Variants in LINGO2 observed in about 807,000 individuals in gnomAD.
The protein encoded by LINGO2 is leucine-rich repeat and immunoglobulin-like domain-containing nogo receptor-interacting protein 2.
Under a neutral mutation model 30.6 loss-of-function variants are expected in LINGO2, and 14 were observed. The ratio of observed to expected loss-of-function variants is 0.46; its 90% confidence interval spans 0.30 to 0.72. LINGO2 has a LOEUF of 0.72. LINGO2 is among the 30% of genes least tolerant of loss of function. The probability of loss-of-function intolerance (pLI) is 0.07; values close to 1 mark genes in which losing one functional copy is unlikely to be tolerated. For synonymous variants in LINGO2, 317 were observed against 288.5 expected (o/e 1.10, Z -1.00); for missense variants, 729 against 751.7 (o/e 0.97, Z 0.35).
chr9:28,322,780 T>C (rs991201468), intron 3 of LINGO2, among the ~76,000 whole-genome samples: 5 of 152,186 alleles, frequency 3.3e-5, no homozygotes, highest in Non-Finnish European at 7.3e-5. Flanking sequence ...ATAGACAACC[T>C]CAATAAATTG....
chr9:28,480,839 G>C (rs1282710642), intron 1 of LINGO2, among the ~76,000 whole-genome samples: 1 of 151,918 alleles, frequency 6.6e-6, no homozygotes, highest in African/African-American at 2.4e-5. Flanking sequence ...AGGGTTAATT[G>C]ACTTTCCTGA....
chr9:28,401,522 A>C (rs562744686), intron 2 of LINGO2, among the ~76,000 whole-genome samples: 2 of 152,200 alleles, frequency 1.3e-5, no homozygotes, highest in African/African-American at 4.8e-5. Flanking sequence ...AAATTTTTTT[A>C]TCCAATCTGT....
chr9:28,905,686 G>C, the LINGO2 span, among the ~76,000 whole-genome samples: 1 of 152,038 alleles, frequency 6.6e-6, no homozygotes, highest in East Asian at 1.9e-4. Flanking sequence ...GTAGACAAAA[G>C]GGAATTCTTT....
chr9:28,051,990 G>C, intron 4 of LINGO2, among the ~76,000 whole-genome samples: 1 of 151,978 alleles, frequency 6.6e-6, no homozygotes. Context: ...AATTCCAACT[G>C]TCCTAGATCT....
intron 3 of LINGO2, among the ~76,000 whole-genome samples, chr9:28,342,287 C>T (rs964112193): frequency 2.0e-5 from 3 of 152,066 alleles, no homozygotes; most frequent in Non-Finnish European, 4.4e-5. Context: ...TGTTCATATT[C>T]CCATCGTCAT....
At chr9:28,655,845 A>G (rs559793325) in intron 1 of LINGO2, among the ~76,000 whole-genome samples, 1 of 152,216 alleles carries the variant, frequency 6.6e-6, no homozygotes, top group African/African-American at 2.4e-5. Flanking sequence ...CTGAACTGTG[A>G]ATCAATTAAA....
the LINGO2 span, among the ~76,000 whole-genome samples, chr9:29,061,344 G>A: frequency 6.6e-6 from 1 of 151,678 alleles, no homozygotes; most frequent in Non-Finnish European, 1.5e-5. Flanking sequence ...TATATTCTAG[G>A]ACTCACATGA....
intron 4 of LINGO2, among the ~76,000 whole-genome samples, chr9:28,267,767 C>A (rs1283706462): frequency 6.6e-6 from 1 of 152,008 alleles, no homozygotes; most frequent in African/African-American, 2.4e-5. Flanking sequence ...TGATCCCCTA[C>A]TCCTGGAGGT....
At chr9:28,816,883 G>C in the LINGO2 span, among the ~76,000 whole-genome samples, 12 of 152,136 alleles carry the variant, frequency 7.9e-5, no homozygotes, top group African/African-American at 2.7e-4. Context: ...AGGAACTAAC[G>C]AAGAGTACCC....
the LINGO2 span, among the ~76,000 whole-genome samples, chr9:28,930,991 A>C: frequency 6.6e-6 from 1 of 152,214 alleles, no homozygotes; most frequent in African/African-American, 2.4e-5. The surrounding 1 kb of genome is among the most constrained non-coding windows in gnomAD (Gnocchi z 4.2). Context: ...CACATGAGCC[A>C]TTCCTTCTTC....
intron 1 of LINGO2, among the ~76,000 whole-genome samples, chr9:28,486,629 C>T (rs917113908): frequency 7.9e-5 from 12 of 151,854 alleles, no homozygotes; most frequent in African/African-American, 2.9e-4. Context: ...AAAGGTATTC[C>T]TCAGGTACAG....
intron 4 of LINGO2, among the ~76,000 whole-genome samples, chr9:28,100,353 C>T (rs971860114): frequency 2.0e-5 from 3 of 152,104 alleles, no homozygotes; most frequent in African/African-American, 7.2e-5. Context: ...GCAATGCTCC[C>T]TGCTTTCAAA....
At chr9:29,130,665 A>G in the LINGO2 span, among the ~76,000 whole-genome samples, 1 of 152,268 alleles carries the variant, frequency 6.6e-6, no homozygotes, top group East Asian at 1.9e-4. Context: ...AACCTGGAAC[A>G]ATTTTAGCAC....
intron 2 of LINGO2, among the ~76,000 whole-genome samples, chr9:28,387,990 G>C (rs1262584789): frequency 1.3e-5 from 2 of 152,110 alleles, no homozygotes; most frequent in African/African-American, 2.4e-5. Flanking sequence ...ACCAATTCTG[G>C]ACACAGCATG....
intron 4 of LINGO2, among the ~76,000 whole-genome samples, chr9:28,015,324 C>A (rs1200087321): frequency 6.6e-6 from 1 of 152,042 alleles, no homozygotes; most frequent in Non-Finnish European, 1.5e-5. Context: ...CACTTCTGTA[C>A]ATGGAGCTTA....
the LINGO2 span, among the ~76,000 whole-genome samples, chr9:28,702,247 T>G: frequency 6.6e-6 from 1 of 151,886 alleles, no homozygotes; most frequent in Non-Finnish European, 1.5e-5. Context: ...AATATGAAGT[T>G]AACTTTAGAA....
intron 4 of LINGO2, among the ~76,000 whole-genome samples, chr9:28,047,635 G>A (rs1824484470): frequency 6.6e-6 from 1 of 150,688 alleles, no homozygotes; most frequent in Non-Finnish European, 1.5e-5. Context: ...GGAGAGTTAT[G>A]GTGATAGTAA....
intron 4 of LINGO2, among the ~76,000 whole-genome samples, chr9:28,118,243 A>G (rs1826991852): frequency 6.6e-6 from 1 of 152,174 alleles, no homozygotes; most frequent in African/African-American, 2.4e-5. Flanking sequence ...ATTAAAATAA[A>G]AATTAGAGTC....
chr9:28,831,986 AAGG>A, the LINGO2 span, among the ~76,000 whole-genome samples: 1 of 152,202 alleles, frequency 6.6e-6, no homozygotes, highest in Non-Finnish European at 1.5e-5. Flanking sequence ...AGATCATATA[AAGG>A]AGAAGGGAGG....
Sources: allele counts gnomAD v4.1 joint callset (sites outside exome capture counted in the v4.1 genomes callset), GRCh38; gene constraint gnomAD v4.1.1; non-coding constraint Gnocchi (gnomAD v3.1); transcripts MANE v1.5; gene names NCBI Gene and HGNC (gene_info 2026-07-23, HGNC 2026-07-21).